The following GNB4 variants were observed in gnomAD, a reference collection of about 807,000 sequenced individuals.
GNB4 encodes the protein G protein subunit beta 4, also known as guanine nucleotide-binding protein subunit beta-4.
GNB4 carries 28 observed loss-of-function variants against 45.2 expected under a neutral mutation model. The ratio of observed to expected loss-of-function variants is 0.62; its 90% CI spans 0.46 to 0.85. The LOEUF (loss-of-function observed/expected upper bound fraction) is 0.85, where lower values mean the gene tolerates loss of function less well. GNB4 is among the 40% of genes least tolerant of loss of function. GNB4 has a pLI of 0.00. For synonymous variants in GNB4, 132 were observed against 143.7 expected, an observed-to-expected ratio of 0.92 and a Z score of 0.58; for missense variants, 321 against 425.4, an observed-to-expected ratio of 0.75 and a Z score of 2.16.
the GNB4 span, among the ~76,000 whole-genome samples, chr3:179,499,161 T>C: frequency 4.2e-4 from 62 of 146,388 alleles, no homozygotes; most frequent in South Asian, 8.9e-3. Flanking sequence ...TTTTCTTTTT[T>C]TTTTTTTTTT....
intron 1 of GNB4, among the ~76,000 whole-genome samples, chr3:179,428,667 G>GTTA (rs932164651): frequency 6.6e-6 from 1 of 152,120 alleles, no homozygotes; most frequent in South Asian, 2.1e-4. Context: ...AAAATTTGCA[G>GTTA]TTATTATTAT....
In GNB4 at chr3:179,420,785, CT is replaced by C. The variant is rs1343141742; in HGVS notation, c.96+103del. 3.3e-5 allele frequency: 25 copies of C among 749,456 alleles called. 1 individual carries two copies. Among genetic ancestry groups the C allele is most frequent in the Admixed American group, 1.4e-4 (6 of 43,848 alleles). The allele number at this position is 749,456 out of a possible 1,614,324, so 46.4% of individuals were successfully genotyped here. On this transcript the variant is annotated intron_variant, in intron 3 of 9. Transcript: ENST00000232564. ...GCTTTTACACAGAGATTTCATTTAACTTTTTTCAATTAAGCACTAATACAAG... is the reference window on the plus strand; with the variant it reads ...GCTTTTACACAGAGATTTCATTTAACTTTTTCAATTAAGCACTAATACAAG...
At chr3:179,518,231 A>C in the GNB4 span, among the ~76,000 whole-genome samples, 4 of 152,282 alleles carry the variant, frequency 2.6e-5, no homozygotes, top group East Asian at 7.7e-4. Context: ...CAAACTCGAC[A>C]GTAGTTCCAA....
chr3:179,430,015 C>T (rs767699317), intron 1 of GNB4, among the ~76,000 whole-genome samples: 1 of 152,040 alleles, frequency 6.6e-6, no homozygotes, highest in Non-Finnish European at 1.5e-5. Context: ...CAAAGCTATA[C>T]ATACATAACT....
the GNB4 span, among the ~76,000 whole-genome samples, chr3:179,486,227 A>AC: frequency 4.0e-5 from 6 of 151,888 alleles, no homozygotes; most frequent in Non-Finnish European, 7.4e-5. Context: ...TCTCAAAAAA[A>AC]AAAAAAAAAA....
intron 2 of GNB4, among the ~76,000 whole-genome samples, chr3:179,424,036 C>A (rs1364400041): frequency 2.6e-5 from 4 of 152,020 alleles, no homozygotes; most frequent in Non-Finnish European, 5.9e-5. Context: ...ACTAGTATGG[C>A]TACAGCACAA....
chr3:179,518,569 C>T, the GNB4 span, among the ~76,000 whole-genome samples: 4 of 152,124 alleles, frequency 2.6e-5, no homozygotes, highest in Non-Finnish European at 5.9e-5. Context: ...CTCCACTCGC[C>T]CACCCTATAG....
chr3:179,413,293 A>C, intron 8 of GNB4, 119 bp downstream of exon 8: 2 of 736,836 alleles, frequency 2.7e-6, no homozygotes, highest in South Asian at 3.5e-5. Flanking sequence ...GGAGATTCAA[A>C]GTTATAAGAG....
rs3866323 is a variant in GNB4 at position 179,403,049 on chromosome 3, C to T, written c.917-1730G>A. Among the ~76,000 whole-genome samples the T allele has an allele frequency of 2.9e-3, 439 of 152,204 alleles. 5 individuals carry two copies. Among genetic ancestry groups the T allele is most frequent in the African/African-American group, 0.01 (431 of 41,526 alleles). On this transcript the variant is annotated intron_variant, in intron 9 of 9. Coordinates refer to ENST00000232564, the MANE Select transcript of GNB4 (RefSeq NM_021629.4). ...CCTCAGGTTTTCTCTTGAAATCAGC[C>T]CTCAAACTGGCAGCCAGTTTATACA... is the stretch of plus-strand genomic sequence containing the variant.
intron 8 of GNB4, among the ~76,000 whole-genome samples, chr3:179,412,634 C>T (rs1316614142): frequency 6.6e-6 from 1 of 152,146 alleles, no homozygotes; most frequent in Non-Finnish European, 1.5e-5. Context: ...ACTAGTTTCA[C>T]ACAGGTGCTT....
At chr3:179,420,356 C>A (rs1577031525) in intron 3 of GNB4, among the ~76,000 whole-genome samples, 1 of 149,980 alleles carries the variant, frequency 6.7e-6, no homozygotes, top group South Asian at 2.1e-4. Flanking sequence ...GCCAGGCTGG[C>A]CTCAAACTCT....
upstream of GNB4, among the ~76,000 whole-genome samples, chr3:179,451,808 G>A (rs1715890111): frequency 6.6e-6 from 1 of 152,220 alleles, no homozygotes; most frequent in South Asian, 2.1e-4. Flanking sequence ...TTCCGGCGCT[G>A]ACAGGCGCCA....
Position 179,399,180 on chromosome 3 carries a change from T to A in GNB4, c.*2033A>T, listed in dbSNP as rs1024122267. 1 of 152,108 alleles carries A rather than the reference T, an allele frequency of 6.6e-6. No individual in the cohort carries two copies. Among genetic ancestry groups the A allele is most frequent in the African/African-American group, 2.4e-5 (1 of 41,394 alleles). 9.4% of individuals were successfully genotyped at this position (152,108 alleles called of 1,614,324 possible). A position where few individuals can be genotyped will look rare whatever the true frequency, so the allele number is the denominator to read the frequency against. On this transcript the variant is annotated 3_prime_UTR_variant, in exon 10 of 10. Transcript: ENST00000232564. Reference sequence around the variant, plus strand: ...GATATAAATAGCCTACAAATAAACATTAATAGCAAAAGTTCATATAATTTT... The same window carrying A: ...GATATAAATAGCCTACAAATAAACAATAATAGCAAAAGTTCATATAATTTT...
chr3:179,414,123 T>C (rs1055750115), intron 6 of GNB4, among the ~76,000 whole-genome samples: 3 of 152,118 alleles, frequency 2.0e-5, no homozygotes, highest in Admixed American at 6.5e-5. Context: ...AGAAATAGTT[T>C]TAAAATACTG....
chr3:179,418,694 G>T (rs1349737320), intron 4 of GNB4, among the ~76,000 whole-genome samples: 1 of 152,126 alleles, frequency 6.6e-6, no homozygotes, highest in African/African-American at 2.4e-5. Context: ...TTAAAACATA[G>T]AAGTTTCTTG....
At chr3:179,504,318 A>C in the GNB4 span, among the ~76,000 whole-genome samples, 1 of 152,118 alleles carries the variant, frequency 6.6e-6, no homozygotes, top group Non-Finnish European at 1.5e-5. Context: ...TATATTCTGA[A>C]TATATATGAT....
the GNB4 span, among the ~76,000 whole-genome samples, chr3:179,508,203 T>C: frequency 6.6e-6 from 1 of 152,218 alleles, no homozygotes; most frequent in Non-Finnish European, 1.5e-5. Flanking sequence ...TCCAGGCTGG[T>C]CTCGAACTGC....
chr3:179,499,839 G>T, the GNB4 span, among the ~76,000 whole-genome samples: 875 of 152,246 alleles, frequency 5.7e-3, 10 homozygotes, highest in African/African-American at 0.02. Flanking sequence ...TAGTGATGAT[G>T]AGCTTTTTTT....
the GNB4 span, chr3:179,465,230 G>A: frequency 4.2e-6 from 6 of 1,432,534 alleles, no homozygotes; most frequent in Non-Finnish European, 4.9e-6. Context: ...TGTGGATTTT[G>A]AAGGAGTCAG....
Sources: gnomAD v4.1 joint callset for allele counts (sites outside exome capture counted in the v4.1 genomes callset) on GRCh38, gnomAD v4.1.1 for gene constraint, MANE v1.5 for transcripts, NCBI Gene and HGNC (gene_info 2026-07-23, HGNC 2026-07-21) for gene names.